The following CTBP1 variants were observed in gnomAD, a reference collection of about 807,000 sequenced individuals.
CTBP1 encodes C-terminal binding protein 1.
CTBP1 carries 11 observed loss-of-function variants against 42.1 expected under a neutral mutation model. That is an observed-to-expected ratio of 0.26 (90% CI 0.16 to 0.43). The LOEUF is 0.43. Among genes scored for constraint, CTBP1 ranks in the 20% least tolerant of loss-of-function variants. The pLI is 1.00. For missense variants in CTBP1, 399 were observed against 624.3 expected, an observed-to-expected ratio of 0.64 and a Z score of 3.85; for synonymous variants, 324 against 277.1, an observed-to-expected ratio of 1.17 and a Z score of -1.68.
chr4:1,222,109 T>C (rs1018357992), intron 5 of CTBP1, among the ~76,000 whole-genome samples: 3 of 152,092 alleles, frequency 2.0e-5, no homozygotes, highest in African/African-American at 4.8e-5. Context: ...ATGCACACCC[T>C]GGGAGAGCCT....
In CTBP1 at chr4:1,238,351, G is replaced by T; in HGVS notation, c.8-14C>A. On this transcript the variant is annotated splice_polypyrimidine_tract_variant and intron_variant, in intron 2 of 9. Coordinates refer to ENST00000382952, the MANE Select transcript of CTBP1 (RefSeq NM_001012614.2). The surrounding 1 kb of genome is among the most constrained non-coding windows in gnomAD (Gnocchi z 5.9). The stretch of plus-strand genomic sequence containing the variant: ...GAGGTCGGACGCCTGCAAGACAGAG[G>T]CAAGTGCTCAGCCTTGCACCACTGC... 1 of 1,548,562 alleles carries T rather than the reference G, an allele frequency of 6.5e-7. No individual in the cohort carries two copies. The highest frequency in any genetic ancestry group is 1.2e-5 in the South Asian group (1 of 82,296).
At chr4:1,248,492 T>C (rs969707700) in intron 1 of CTBP1, among the ~76,000 whole-genome samples, 1 of 149,098 alleles carries the variant, frequency 6.7e-6, no homozygotes, top group East Asian at 2.0e-4. Context: ...TGCGCACGGC[T>C]CCCGCCCCAT....
intron 5 of CTBP1, among the ~76,000 whole-genome samples, chr4:1,224,762 C>T (rs1242793569): frequency 1.3e-5 from 2 of 148,154 alleles, no homozygotes; most frequent in African/African-American, 5.0e-5. Flanking sequence ...TGTGTGTGCC[C>T]GTGAGGTCCA....
At position 1,228,180 on chromosome 4, in the gene CTBP1, G is replaced by T. The variant is rs1316142108; in HGVS notation, c.307+19C>A. ...AGCTTGCATGAATGGGCACAGGAGA[G>T]AACTCGGAGCCGGCCTACCTAAATC... is the stretch of plus-strand genomic sequence containing the variant. On this transcript the variant is annotated intron_variant, in intron 4 of 9. Coordinates refer to ENST00000382952, the MANE Select transcript of CTBP1 (RefSeq NM_001012614.2). The T allele has an allele frequency of 3.7e-6, 6 of 1,613,548 alleles. No homozygotes were observed. In the East Asian group the frequency reaches 1.3e-4, roughly 36 times the overall value.
chr4:1,212,942 CACG>C lies in CTBP1; in HGVS notation c.1074_1076del (p.Val359del). The C allele has an allele frequency of 6.2e-7, 1 of 1,613,780 alleles. No homozygotes were observed. The highest frequency in any genetic ancestry group is 1.7e-5 in the Admixed American group (1 of 60,018). ...AGGCAGCCCCATTGAGCTCAGGGTG[CACG>C]ACGGCGGGGTCCATGCTGGCCCAGT... On this transcript the variant is annotated inframe_deletion, in exon 9 of 10. Transcript: ENST00000382952.
At chr4:1,221,883 G>C in intron 5 of CTBP1, 1 of 399,310 alleles carries the variant, frequency 2.5e-6, no homozygotes, top group South Asian at 1.8e-5. Context: ...AAGGGAAGGA[G>C]GGAGGAAAGA....
chr4:1,240,643 G>A (rs1732076767), intron 2 of CTBP1, among the ~76,000 whole-genome samples: 1 of 151,904 alleles, frequency 6.6e-6, no homozygotes, highest in African/African-American at 2.4e-5. Flanking sequence ...GGTGCTGGGT[G>A]AGTGGGAACC....
intron 3 of CTBP1, among the ~76,000 whole-genome samples, chr4:1,231,821 G>A (rs750524381): frequency 2.0e-5 from 3 of 152,212 alleles, no homozygotes; most frequent in East Asian, 1.9e-4. Context: ...CGGCACGGCC[G>A]TTTCTATCCC....
At chr4:1,239,789 T>A (rs571271769) in intron 2 of CTBP1, among the ~76,000 whole-genome samples, 1 of 152,312 alleles carries the variant, frequency 6.6e-6, no homozygotes, top group African/African-American at 2.4e-5. Context: ...TCCACCCACT[T>A]TCCTTCAAGA....
At position 1,233,938 on chromosome 4, in the gene CTBP1, C is replaced by A. The variant is rs1194999926; in HGVS notation, c.162+4245G>T. Among the ~76,000 whole-genome samples the A allele has an allele frequency of 2.0e-5, 3 of 152,256 alleles. No individual in the cohort carries two copies. Among genetic ancestry groups the A allele is most frequent in the Non-Finnish European group, 4.4e-5 (3 of 68,048 alleles). Reference sequence around the variant, plus strand: ...TGCGGCCCCGCTGCCCTCTCCACAGCCACGAGGGTCCCTGCCTCCTGCCTT... The same window carrying A: ...TGCGGCCCCGCTGCCCTCTCCACAGACACGAGGGTCCCTGCCTCCTGCCTT... On this transcript the variant is annotated intron_variant, in intron 3 of 9. Transcript: ENST00000382952. The surrounding 1 kb of genome is among the most constrained non-coding windows in gnomAD (Gnocchi z 4.6).
intron 1 of CTBP1, chr4:1,241,930 C>G: frequency 2.9e-6 from 3 of 1,036,134 alleles, no homozygotes; most frequent in Non-Finnish European, 3.5e-6. Flanking sequence ...AAGCTTCTAT[C>G]TCATGTCACT....
chr4:1,227,792 G>GT (rs2108755682), intron 4 of CTBP1, among the ~76,000 whole-genome samples: 1 of 152,342 alleles, frequency 6.6e-6, no homozygotes, highest in East Asian at 1.9e-4. Flanking sequence ...TGTGTTCTGT[G>GT]TGCTGAGTGC....
intron 4 of CTBP1, 146 bp from the exon 5 acceptor site, chr4:1,225,712 A>G: frequency 1.2e-6 from 1 of 813,082 alleles, no homozygotes; most frequent in East Asian, 2.7e-5. Flanking sequence ...GGAGGCCACG[A>G]GATGAACACG....
chr4:1,221,646 G>A (rs1729747792), intron 5 of CTBP1: 3 of 259,164 alleles, frequency 1.2e-5, no homozygotes, highest in South Asian at 9.4e-5. Context: ...AAGGCTGCGT[G>A]CCCGTGATCC....
intron 1 of CTBP1, among the ~76,000 whole-genome samples, chr4:1,246,800 T>C (rs911672111): frequency 8.5e-5 from 13 of 152,184 alleles, no homozygotes; most frequent in African/African-American, 3.1e-4. Flanking sequence ...CTGGGGCCCG[T>C]TTCCTGGAGA....
intron 1 of CTBP1, chr4:1,243,168 C>T (rs1019317650): frequency 5.1e-6 from 5 of 985,348 alleles, no homozygotes; most frequent in Non-Finnish European, 4.8e-6. Flanking sequence ...CAGCATGGCA[C>T]CAGCCGCTGC....
rs1000500109 is a variant in CTBP1 at position 1,242,133 on chromosome 4, G to A, written c.-188-614C>T. ...AAAAACTGCTCAGCTCTTCCTGACC[G>A]CTACGGCCAGGGCCTGGCGGGAAGC... is the stretch of plus-strand genomic sequence containing the variant. On this transcript the variant is annotated intron_variant, in intron 1 of 9. Coordinates refer to ENST00000382952, the MANE Select transcript of CTBP1 (RefSeq NM_001012614.2). 11 of 985,440 alleles carry A rather than the reference G, an allele frequency of 1.1e-5. No individual in the cohort carries two copies. In the African/African-American group the frequency reaches 1.2e-4, roughly 11 times the overall value. 61.0% of individuals were successfully genotyped at this position (985,440 alleles called of 1,614,324 possible).
intron 3 of CTBP1, among the ~76,000 whole-genome samples, chr4:1,232,315 C>T (rs1470756731): frequency 6.6e-6 from 1 of 151,960 alleles, no homozygotes; most frequent in Non-Finnish European, 1.5e-5. Flanking sequence ...GTCATTCTTT[C>T]TTTTTTTCCT....
chr4:1,238,125 CCCT>C lies in CTBP1; in HGVS notation c.162+55_162+57del. 6.2e-7 allele frequency: 1 copy of C among 1,609,022 alleles called. No individual in the cohort carries two copies. Among genetic ancestry groups the C allele is most frequent in the Non-Finnish European group, 8.5e-7 (1 of 1,177,426 alleles). ...TGGCCCGGGCCTGCCGTGCTCCCGT[CCCT>C]CCAACTCCCCCCAACGTGCGGTTCT... On this transcript the variant is annotated intron_variant, in intron 3 of 9. Coordinates refer to ENST00000382952, the MANE Select transcript of CTBP1 (RefSeq NM_001012614.2). This position sits in a 1 kb window ranked among gnomAD's most constrained non-coding sequence, Gnocchi z 5.9.
Sources: allele counts gnomAD v4.1 joint callset (sites outside exome capture counted in the v4.1 genomes callset), GRCh38; gene constraint gnomAD v4.1.1; non-coding constraint Gnocchi (gnomAD v3.1); transcripts MANE v1.5; gene names NCBI Gene and HGNC (gene_info 2026-07-23, HGNC 2026-07-21).